The following KIF3A variants were observed in gnomAD, a reference collection of about 807,000 sequenced individuals.
KIF3A encodes the protein kinesin family member 3A.
Under a neutral mutation model 92.6 loss-of-function variants are expected in KIF3A, and 27 were observed. That is an observed-to-expected ratio of 0.29 (90% CI 0.21 to 0.40). KIF3A has a LOEUF of 0.40. Among genes scored for constraint, KIF3A ranks in the 10% least tolerant of loss-of-function variants. The probability of loss-of-function intolerance (pLI) is 1.00; values close to 1 mark genes in which losing one functional copy is unlikely to be tolerated. For missense variants in KIF3A, 581 were observed against 872.6 expected (o/e 0.67, Z 4.21); for synonymous variants, 250 against 275.4 (o/e 0.91, Z 0.92).
In KIF3A at chr5:132,726,509, T is replaced by C. The variant is rs138692425; in HGVS notation, c.281-11A>G. ...ATGCAAAAATAGTCCCTGAAAATGA[T>C]GAAGAGAATCAGTTACTTCTTAAAG... On this transcript the variant is annotated splice_polypyrimidine_tract_variant and intron_variant, in intron 2 of 18. Coordinates refer to ENST00000403231, the MANE Select transcript of KIF3A (RefSeq NM_001300791.2). 2 of 1,611,306 alleles carry C rather than the reference T, an allele frequency of 1.2e-6. No individual in the cohort carries two copies. Among genetic ancestry groups the C allele is most frequent in the South Asian group, 1.1e-5 (1 of 90,874 alleles).
At position 132,695,820 on chromosome 5, in the gene KIF3A, G is replaced by A. The variant is rs563595655; in HGVS notation, c.*814C>T. 4.9e-4 allele frequency: 75 copies of A among 152,376 alleles called. No individual in the cohort carries two copies. The highest frequency in any genetic ancestry group is 1.7e-3 in the African/African-American group (71 of 41,554). The allele number at this position is 152,376 out of a possible 1,614,324, so 9.4% of individuals were successfully genotyped here. A position where few individuals can be genotyped will look rare whatever the true frequency, so the allele number is the denominator to read the frequency against. On this transcript the variant is annotated 3_prime_UTR_variant, in exon 19 of 19. Coordinates refer to ENST00000403231, the MANE Select transcript of KIF3A (RefSeq NM_001300791.2). ...AAAGAAAAGCATCCATAACACTTCA[G>A]AGTGAATTTTTAAAAATATACACGC...
chr5:132,708,080 G>A (rs1020103295), intron 10 of KIF3A, among the ~76,000 whole-genome samples: 5 of 151,930 alleles, frequency 3.3e-5, no homozygotes, highest in Admixed American at 1.3e-4. Context: ...TCAGGAGATC[G>A]GGACCATCCT....
chr5:132,713,356 G>A (rs919115579), intron 8 of KIF3A, among the ~76,000 whole-genome samples: 2 of 152,134 alleles, frequency 1.3e-5, no homozygotes, highest in Non-Finnish European at 2.9e-5. Flanking sequence ...AATAACTGTT[G>A]TATGCTTATA....
rs1443593945 is a variant in KIF3A, at chr5:132,705,037, AATTCATGCTTTGGTGTGGTGTG to A, written c.1309+1392_1309+1413del. 3.3e-5 allele frequency among the ~76,000 whole-genome samples: 5 copies of A among 152,048 alleles called. No homozygotes were observed. The South Asian group carries it at 1.0e-3, about 32-fold the overall frequency. On this transcript the variant is annotated intron_variant, in intron 11 of 18. Coordinates refer to ENST00000403231, the MANE Select transcript of KIF3A (RefSeq NM_001300791.2). Reference sequence around the variant, plus strand: ...AAGAGTAAATAAAAGCACTGATCCAAATTCATGCTTTGGTGTGGTGTGATTCATTGCATTCCAAAAGTCAGGA... The same window carrying A: ...AAGAGTAAATAAAAGCACTGATCCAAATTCATTGCATTCCAAAAGTCAGGA...
chr5:132,718,257 A>G (rs1175942419), intron 5 of KIF3A, among the ~76,000 whole-genome samples: 1 of 152,164 alleles, frequency 6.6e-6, no homozygotes, highest in Admixed American at 6.5e-5. Flanking sequence ...CCCACTGACA[A>G]ACATACTTTG....
At chr5:132,719,655 C>G (rs543882486) in intron 5 of KIF3A, among the ~76,000 whole-genome samples, 1 of 151,930 alleles carries the variant, frequency 6.6e-6, no homozygotes, top group South Asian at 2.1e-4. Flanking sequence ...CCACTCCCAG[C>G]TAATTTTTGT....
chr5:132,732,547 C>A (rs900217578), intron 2 of KIF3A, among the ~76,000 whole-genome samples: 1 of 152,084 alleles, frequency 6.6e-6, no homozygotes, highest in Non-Finnish European at 1.5e-5. Context: ...GAGGCCGAGG[C>A]GGGTGGATCA....
At chr5:132,699,496 C>A in intron 17 of KIF3A, 1 of 626,856 alleles carries the variant, frequency 1.6e-6, no homozygotes, top group Admixed American at 2.2e-5. Context: ...CCCTGACACA[C>A]TATAAATTTC....
intron 8 of KIF3A, among the ~76,000 whole-genome samples, chr5:132,713,208 T>C (rs1353844321): frequency 6.6e-6 from 1 of 151,852 alleles, no homozygotes; most frequent in African/African-American, 2.4e-5. Context: ...AAAGAAAGCA[T>C]GACAAATAAA....
In KIF3A at chr5:132,716,827, C is replaced by T. The variant is rs1753642405; in HGVS notation, c.756+18G>A. ...TCACAAGAAAGAGTTATTCCTTAAG[C>T]AGTGTCCTGTTACTTACAGCAAGAT... On this transcript the variant is annotated intron_variant, in intron 6 of 18. Transcript: ENST00000403231. 2 of 1,610,922 alleles carry T rather than the reference C, an allele frequency of 1.2e-6. No individual in the cohort carries two copies. The highest frequency in any genetic ancestry group is 1.7e-6 in the Non-Finnish European group (2 of 1,178,518).
At chr5:132,721,431 C>T (rs1362166085) in intron 4 of KIF3A, 1 of 152,068 alleles carries the variant, frequency 6.6e-6, no homozygotes, top group African/African-American at 2.4e-5. Flanking sequence ...TCTCTACAAA[C>T]CAAAAGAATA....
intron 11 of KIF3A, 74 bp downstream of exon 11, chr5:132,706,377 A>C: frequency 9.4e-7 from 1 of 1,066,214 alleles, no homozygotes; most frequent in Non-Finnish European, 1.3e-6. Context: ...TTAAAAATTT[A>C]ATGTATTTAA....
chr5:132,691,544 T>A (rs1345728148), downstream of KIF3A, among the ~76,000 whole-genome samples: 2 of 28,472 alleles, frequency 7.0e-5, no homozygotes, highest in Non-Finnish European at 1.2e-4. Context: ...CCAAACTCCA[T>A]CTCAAAAAAA....
intron 4 of KIF3A, among the ~76,000 whole-genome samples, chr5:132,724,844 TATATATATATATTA>T (rs1753981653): frequency 3.7e-5 from 1 of 27,256 alleles, no homozygotes; most frequent in African/African-American, 7.4e-5. Context: ...TATATATATA[TATATATATATATTA>T]AAAAATCATT....
chr5:132,722,435 G>GC (rs997077287), intron 4 of KIF3A, among the ~76,000 whole-genome samples: 7 of 152,236 alleles, frequency 4.6e-5, no homozygotes, highest in African/African-American at 1.7e-4. Flanking sequence ...AGAAATTTGC[G>GC]CAAGAGTTTC....
intron 17 of KIF3A, 154 bp from the exon 18 acceptor site, chr5:132,699,449 T>C: frequency 1.4e-6 from 1 of 723,104 alleles, no homozygotes; most frequent in Admixed American, 2.4e-5. Context: ...AATCCCAGTA[T>C]CTAAAATGTA....
Position 132,700,519 on chromosome 5 carries a change from T to C in KIF3A, c.1938+128A>G, listed in dbSNP as rs574998412. ...TACATGGAATTAGAAAAATATTTTA[T>C]CTGCCCTACTGGATTCTCATCTGAT... is the stretch of plus-strand genomic sequence containing the variant. On this transcript the variant is annotated intron_variant, in intron 16 of 18. Transcript: ENST00000403231. 4.2e-5 allele frequency: 29 copies of C among 684,340 alleles called. No individual in the cohort carries two copies. In the East Asian group the frequency reaches 7.5e-4, roughly 18 times the overall value. The allele number at this position is 684,340 out of a possible 1,614,324, so 42.4% of individuals were successfully genotyped here.
chr5:132,711,091 C>A, intron 8 of KIF3A, 34 bp from the exon 9 acceptor site: 1 of 1,598,830 alleles, frequency 6.3e-7, no homozygotes, highest in South Asian at 1.1e-5. Flanking sequence ...GTTTTTTATC[C>A]TGTACGAAGT....
intron 11 of KIF3A, among the ~76,000 whole-genome samples, chr5:132,704,682 T>A (rs10062446): frequency 0.59 from 89,327 of 151,638 alleles, 28,480 homozygotes; most frequent in Non-Finnish European, 0.74. Context: ...ACAGAATTGG[T>A]CTGAGGCTCT....
Sources: allele counts gnomAD v4.1 joint callset (sites outside exome capture counted in the v4.1 genomes callset), GRCh38; gene constraint gnomAD v4.1.1; transcripts MANE v1.5; gene names NCBI Gene and HGNC (gene_info 2026-07-23, HGNC 2026-07-21).